Variants in SYTL1 observed in about 807,000 individuals in gnomAD.
The protein encoded by SYTL1 is synaptotagmin like 1, also known as synaptotagmin-like protein 1.
In SYTL1, 53 loss-of-function variants were observed where a neutral mutation model predicts 74.6. The ratio of observed to expected loss-of-function variants is 0.71; its 90% CI spans 0.57 to 0.89. SYTL1 has a LOEUF of 0.89. Ranked by LOEUF, SYTL1 falls within the 40% of genes least tolerant of loss-of-function variation. SYTL1 has a pLI of 0.00. For missense variants in SYTL1, 728 were observed against 768.7 expected (o/e 0.95, Z 0.63); for synonymous variants, 329 against 324.9 (o/e 1.01, Z -0.14).
In SYTL1 at chr1:27,349,000, T is replaced by G; in HGVS notation, c.460-80T>G. 68 of 1,131,636 alleles carry G rather than the reference T, an allele frequency of 6.0e-5. No homozygotes were observed. The highest frequency in any genetic ancestry group is 7.8e-5 in the Non-Finnish European group (60 of 772,650). 70.1% of individuals were successfully genotyped at this position (1,131,636 alleles called of 1,614,324 possible). On this transcript the variant is annotated intron_variant, in intron 5 of 14. Transcript: ENST00000616558. This position sits in a 1 kb window ranked among gnomAD's most constrained non-coding sequence, Gnocchi z 4.1. ...ACTGGGGTAGCTGGCTGGAGCCCTATGACCTCTGACCCCAATATGACCTTT... is the reference window on the plus strand; with the variant it reads ...ACTGGGGTAGCTGGCTGGAGCCCTAGGACCTCTGACCCCAATATGACCTTT...
At position 27,351,733 on chromosome 1, in the gene SYTL1, A is replaced by G; in HGVS notation, c.1343+178A>G. On this transcript the variant is annotated intron_variant, in intron 13 of 14. Coordinates refer to ENST00000616558, the MANE Select transcript of SYTL1 (RefSeq NM_001193308.2). The surrounding 1 kb of genome is among the most constrained non-coding windows in gnomAD (Gnocchi z 5.0). The stretch of plus-strand genomic sequence containing the variant: ...GTCAGGGAAGTTGAGGACACCTTTG[A>G]GGAGCTGCATTTCAGCGTGACTGGC... The G allele has an allele frequency of 1.9e-6, 1 of 528,468 alleles. No homozygotes were observed. The highest frequency in any genetic ancestry group is 3.3e-6 in the Non-Finnish European group (1 of 301,652). 32.7% of individuals were successfully genotyped at this position (528,468 alleles called of 1,614,324 possible). A position where few individuals can be genotyped will look rare whatever the true frequency, so the allele number is the denominator to read the frequency against.
chr1:27,348,707 C>A lies in SYTL1; in HGVS notation c.460-373C>A, dbSNP rs1392026160. ...GGGCAACAAGAGTGAAACTCTGTCT[C>A]AATTAAAAATAATAAGAATAAATTT... On this transcript the variant is annotated intron_variant, in intron 5 of 14. Coordinates refer to ENST00000616558, the MANE Select transcript of SYTL1 (RefSeq NM_001193308.2). This position sits in a 1 kb window ranked among gnomAD's most constrained non-coding sequence, Gnocchi z 4.1. 1.3e-5 allele frequency among the ~76,000 whole-genome samples: 2 copies of A among 151,464 alleles called. No individual in the cohort carries two copies. The highest frequency in any genetic ancestry group is 2.4e-5 in the African/African-American group (1 of 41,162).
In SYTL1 at chr1:27,351,571, C is replaced by T. The variant is rs2015280523; in HGVS notation, c.1343+16C>T. 6.8e-7 allele frequency: 1 copy of T among 1,469,742 alleles called. No homozygotes were observed. The highest frequency in any genetic ancestry group is 9.1e-7 in the Non-Finnish European group (1 of 1,093,572). 91.0% of individuals were successfully genotyped at this position (1,469,742 alleles called of 1,614,324 possible). A position where few individuals can be genotyped will look rare whatever the true frequency, so the allele number is the denominator to read the frequency against. On this transcript the variant is annotated intron_variant, in intron 13 of 14. Coordinates refer to ENST00000616558, the MANE Select transcript of SYTL1 (RefSeq NM_001193308.2). This position sits in a 1 kb window ranked among gnomAD's most constrained non-coding sequence, Gnocchi z 5.0. ...ACGTACAATGGTGAGGAGTGCTGGC[C>T]CTCCGGGCTTCCCATTCTTTTGCCT...
At position 27,342,862 on chromosome 1, in the gene SYTL1, C is replaced by T. The variant is rs2014832908; in HGVS notation, c.-39+712C>T. Among the ~76,000 whole-genome samples, 1 of 152,220 alleles carries T rather than the reference C, an allele frequency of 6.6e-6. No individual in the cohort carries two copies. The highest frequency in any genetic ancestry group is 1.5e-5 in the Non-Finnish European group (1 of 68,030). On this transcript the variant is annotated intron_variant, in intron 1 of 14. Transcript: ENST00000616558. The surrounding 1 kb of genome is among the most constrained non-coding windows in gnomAD (Gnocchi z 4.7). ...CCACAGGGGAGGCCGAACGTGGGCT[C>T]ACACCCCAATCCACAGGGGAGGCCG... is the stretch of plus-strand genomic sequence containing the variant.
rs952816289 is a variant in SYTL1, at chr1:27,348,351, C to T, written c.459+339C>T. On this transcript the variant is annotated intron_variant, in intron 5 of 14. Coordinates refer to ENST00000616558, the MANE Select transcript of SYTL1 (RefSeq NM_001193308.2). This position sits in a 1 kb window ranked among gnomAD's most constrained non-coding sequence, Gnocchi z 4.1. The stretch of plus-strand genomic sequence containing the variant: ...TTTTGGGAGGCTGATGTGGGAGGAT[C>T]GCTTGAGCCGAGGAGTTCAAGACCA... Among the ~76,000 whole-genome samples, 2 of 151,834 alleles carry T rather than the reference C, an allele frequency of 1.3e-5. No homozygotes were observed. The highest frequency in any genetic ancestry group is 4.8e-5 in the African/African-American group (2 of 41,300).
At position 27,348,197 on chromosome 1, in the gene SYTL1, G is replaced by A. The variant is rs2015086010; in HGVS notation, c.459+185G>A. 6.6e-6 allele frequency among the ~76,000 whole-genome samples: 1 copy of A among 152,126 alleles called. No homozygotes were observed. The highest frequency in any genetic ancestry group is 2.4e-5 in the African/African-American group (1 of 41,412). On this transcript the variant is annotated intron_variant, in intron 5 of 14. Coordinates refer to ENST00000616558, the MANE Select transcript of SYTL1 (RefSeq NM_001193308.2). The surrounding 1 kb of genome is among the most constrained non-coding windows in gnomAD (Gnocchi z 4.1). Reference sequence around the variant, plus strand: ...ACGGTGGGGAACGGTGGTGAATGGTGGTAAACAGTGGTGAACGGTGGTGAA... The same window carrying A: ...ACGGTGGGGAACGGTGGTGAATGGTAGTAAACAGTGGTGAACGGTGGTGAA...
rs1364817935 is a variant in SYTL1, at chr1:27,350,077, G to A, written c.853G>A (p.Val285Met). The A allele has an allele frequency of 1.3e-6, 2 of 1,494,974 alleles. No individual in the cohort carries two copies. The highest frequency in any genetic ancestry group is 1.3e-5 in the South Asian group (1 of 78,960). The allele number at this position is 1,494,974 out of a possible 1,614,324, so 92.6% of individuals were successfully genotyped here. A position where few individuals can be genotyped will look rare whatever the true frequency, so the allele number is the denominator to read the frequency against. Residue 285 changes from valine to methionine, a missense_variant, in exon 9 of 15, where the codon GTG becomes ATG. Coordinates refer to ENST00000616558, the MANE Select transcript of SYTL1 (RefSeq NM_001193308.2). The surrounding 1 kb of genome is among the most constrained non-coding windows in gnomAD (Gnocchi z 6.3). ...HYEPGAAELRVHVIQCQGLAA... is the reference protein window; with the variant it reads ...HYEPGAAELRMHVIQCQGLAA... ...CGAGCCGGGCGCCGCCGAGCTGCGCGTGCACGTGATCCAGTGCCAGGGCCT... is the reference window on the plus strand; with the variant it reads ...CGAGCCGGGCGCCGCCGAGCTGCGCATGCACGTGATCCAGTGCCAGGGCCT...
Position 27,350,092 on chromosome 1 carries a change from TGCCAGGGCCTGGCCGCC to T in SYTL1, c.872_888del (p.Gln291ProfsTer17). 1 of 1,432,590 alleles carries T rather than the reference TGCCAGGGCCTGGCCGCC, an allele frequency of 7.0e-7. No individual in the cohort carries two copies. The highest frequency in any genetic ancestry group is 1.5e-5 in the South Asian group (1 of 68,688). The allele number at this position is 1,432,590 out of a possible 1,614,324, so 88.7% of individuals were successfully genotyped here. ...CGAGCTGCGCGTGCACGTGATCCAG[TGCCAGGGCCTGGCCGCC>T]GCCCGGCGCCGCCGCTCGGACCCGT... On this transcript the variant is annotated frameshift_variant, in exon 9 of 15. Transcript: ENST00000616558. LOFTEE classifies it high-confidence loss of function. This position sits in a 1 kb window ranked among gnomAD's most constrained non-coding sequence, Gnocchi z 6.3.
chr1:27,346,012 C>G (rs1052907718), intron 2 of SYTL1, among the ~76,000 whole-genome samples: 2 of 152,152 alleles, frequency 1.3e-5, no homozygotes, highest in Non-Finnish European at 2.9e-5. Flanking sequence ...AACCTCTGAT[C>G]TCAGATGATC....
Position 27,350,593 on chromosome 1 carries a change from G to C in SYTL1, c.1005+108G>C. 1 of 1,117,918 alleles carries C rather than the reference G, an allele frequency of 8.9e-7. No individual in the cohort carries two copies. Among genetic ancestry groups the C allele is most frequent in the South Asian group, 1.4e-5 (1 of 70,474 alleles). The allele number at this position is 1,117,918 out of a possible 1,614,324, so 69.2% of individuals were successfully genotyped here. Reference sequence around the variant, plus strand: ...TAACGTCATTGCCCGGAGGATCGGCGGAGGGGGCCCATTAACTCGTTATCC... The same window carrying C: ...TAACGTCATTGCCCGGAGGATCGGCCGAGGGGGCCCATTAACTCGTTATCC... On this transcript the variant is annotated intron_variant, in intron 10 of 14. Coordinates refer to ENST00000616558, the MANE Select transcript of SYTL1 (RefSeq NM_001193308.2). The surrounding 1 kb of genome is among the most constrained non-coding windows in gnomAD (Gnocchi z 6.3).
chr1:27,352,960 AT>A (rs995195465), intron 13 of SYTL1: 1 of 296,566 alleles, frequency 3.4e-6, no homozygotes, highest in African/African-American at 2.2e-5. Context: ...TAATTTTTGT[AT>A]TTTTAGTAGA....
At chr1:27,349,802 G>T (rs1235340911) in intron 8 of SYTL1, 37 bp downstream of exon 8, 1 of 1,561,868 alleles carries the variant, frequency 6.4e-7, no homozygotes, top group East Asian at 2.4e-5. Flanking sequence ...CGGCCGGGGG[G>T]TGGACCCGTT....
In SYTL1 at chr1:27,351,627, T is replaced by A; in HGVS notation, c.1343+72T>A. 1.0e-6 allele frequency: 1 copy of A among 999,116 alleles called. No homozygotes were observed. Among genetic ancestry groups the A allele is most frequent in the Non-Finnish European group, 1.5e-6 (1 of 686,666 alleles). The allele number at this position is 999,116 out of a possible 1,614,324, so 61.9% of individuals were successfully genotyped here. On this transcript the variant is annotated intron_variant, in intron 13 of 14. Transcript: ENST00000616558. This position sits in a 1 kb window ranked among gnomAD's most constrained non-coding sequence, Gnocchi z 5.0. ...GGAGTGCCCAACCTCCACAAACCCT[T>A]ACTAATCAACCTTTGATCACGCAGC... is the stretch of plus-strand genomic sequence containing the variant.
chr1:27,350,748 G>T lies in SYTL1; in HGVS notation c.1006-46G>T. 6.3e-7 allele frequency: 1 copy of T among 1,599,576 alleles called. No homozygotes were observed. Among genetic ancestry groups the T allele is most frequent in the Middle Eastern group, 1.7e-4 (1 of 6,012 alleles). The stretch of plus-strand genomic sequence containing the variant: ...CTCAGCCAACTCGCGCAGCATCTAC[G>T]CGGGCCACCAGCAGTGCTCCACTAA... On this transcript the variant is annotated intron_variant, in intron 10 of 14. Transcript: ENST00000616558. The surrounding 1 kb of genome is among the most constrained non-coding windows in gnomAD (Gnocchi z 6.3).
At position 27,351,501 on chromosome 1, in the gene SYTL1, A is replaced by G; in HGVS notation, c.1289A>G (p.Glu430Gly). 1.9e-6 allele frequency: 3 copies of G among 1,549,012 alleles called. No homozygotes were observed. In the East Asian group the frequency reaches 7.3e-5, roughly 38 times the overall value. Reference protein sequence around the residue: ...PSGELHFWVKEARDLLPLRAG... With the variant: ...PSGELHFWVKGARDLLPLRAG... ...GGGGAGCTGCACTTCTGGGTGAAGGAGGCTCGGGACCTCCTGCCGCTGCGG... is the reference window on the plus strand; with the variant it reads ...GGGGAGCTGCACTTCTGGGTGAAGGGGGCTCGGGACCTCCTGCCGCTGCGG... The change falls in exon 13 of 15, where the codon GAG (glutamate) becomes GGG (glycine). Residue 430 changes from glutamate (E) to glycine (G), a missense_variant. Transcript: ENST00000616558. The surrounding 1 kb of genome is among the most constrained non-coding windows in gnomAD (Gnocchi z 5.0).
chr1:27,353,755 C>A lies in SYTL1; in HGVS notation c.1592C>A (p.Pro531His). Residue 531 changes from proline to histidine, a missense_variant, in exon 15 of 15, where the codon CCT becomes CAT. Physicochemically the swap from Pro to His is moderately conservative, Grantham distance 77 (BLOSUM62 -2). Coordinates refer to ENST00000616558, the MANE Select transcript of SYTL1 (RefSeq NM_001193308.2). The part of the protein sequence containing the change: ...GLQVPWMDST[P>H]EEKQLWQALL... ...CAGGTGCCCTGGATGGATTCCACAC[C>A]TGAGGAGAAGCAGCTGTGGCAAGCC... 6.2e-7 allele frequency: 1 copy of A among 1,614,094 alleles called. No individual in the cohort carries two copies. The highest frequency in any genetic ancestry group is 8.5e-7 in the Non-Finnish European group (1 of 1,179,998).
Position 27,350,025 on chromosome 1 carries a change from C to T in SYTL1, c.801C>T (p.Arg267=). 3 of 1,549,758 alleles carry T rather than the reference C, an allele frequency of 1.9e-6. No homozygotes were observed. The highest frequency in any genetic ancestry group is 1.7e-6 in the Non-Finnish European group (2 of 1,157,360). Residue 267 remains arginine, a synonymous_variant, in exon 9 of 15, where the codon CGC becomes CGT. Transcript: ENST00000616558. This position sits in a 1 kb window ranked among gnomAD's most constrained non-coding sequence, Gnocchi z 6.3. The stretch of plus-strand genomic sequence containing the variant: ...GCGACGCGGAGGCGGTGCAGGTCCG[C>T]GGCTCCGTGCACTTCGCGCTGCACT... ...LSGDAEAVQV[R]GSVHFALHYE...
At chr1:27,346,505 G>A (rs556155994) in intron 2 of SYTL1, among the ~76,000 whole-genome samples, 2 of 152,316 alleles carry the variant, frequency 1.3e-5, no homozygotes, top group East Asian at 3.9e-4. Flanking sequence ...GGCAACGCCT[G>A]TAATCCTAGC....
chr1:27,345,171 G>A lies in SYTL1; in HGVS notation c.-38-126G>A, dbSNP rs2014942482. The A allele has an allele frequency of 1.9e-6, 1 of 537,964 alleles. No homozygotes were observed. Among genetic ancestry groups the A allele is most frequent in the African/African-American group, 2.0e-5 (1 of 51,066 alleles). 33.3% of individuals were successfully genotyped at this position (537,964 alleles called of 1,614,324 possible). On this transcript the variant is annotated intron_variant, in intron 1 of 14. Coordinates refer to ENST00000616558, the MANE Select transcript of SYTL1 (RefSeq NM_001193308.2). This position sits in a 1 kb window ranked among gnomAD's most constrained non-coding sequence, Gnocchi z 6.0. ...ATGAGTGTCTCTCACCCCACCTTGA[G>A]CTCAGCCATCCTGGGGTGGCACCCT...
Sources: gnomAD v4.1 joint callset for allele counts (sites outside exome capture counted in the v4.1 genomes callset) on GRCh38, gnomAD v4.1.1 for gene constraint, Gnocchi (gnomAD v3.1) non-coding constraint, MANE v1.5 for transcripts, NCBI Gene and HGNC (gene_info 2026-07-23, HGNC 2026-07-21) for gene names.